The following CNTNAP5 variants were observed in gnomAD, a reference collection of about 807,000 sequenced individuals.
The protein encoded by CNTNAP5 is contactin associated protein family member 5, also known as contactin-associated protein-like 5.
In CNTNAP5, 72 loss-of-function variants were observed where a neutral mutation model predicts 150.2. The ratio of observed to expected loss-of-function variants is 0.48; its 90% CI spans 0.40 to 0.58. CNTNAP5 has a LOEUF of 0.58. Ranked by LOEUF, CNTNAP5 falls within the 20% of genes least tolerant of loss-of-function variation. The probability of loss-of-function intolerance (pLI) is 0.00; values close to 1 mark genes in which losing one functional copy is unlikely to be tolerated. For synonymous variants in CNTNAP5, 672 were observed against 619.8 expected, an observed-to-expected ratio of 1.08 and a Z score of -1.25; for missense variants, 1,636 against 1,626.2, an observed-to-expected ratio of 1.01 and a Z score of -0.10.
chr2:124,221,827 A>G lies in CNTNAP5; in HGVS notation c.187+18A>G. 1 of 1,496,698 alleles carries G rather than the reference A, an allele frequency of 6.7e-7. No homozygotes were observed. Among genetic ancestry groups the G allele is most frequent in the Non-Finnish European group, 9.2e-7 (1 of 1,081,698 alleles). 92.7% of individuals were successfully genotyped at this position (1,496,698 alleles called of 1,614,324 possible). ...GAGAGTTGGTAAGTAGGCTGACTGA[A>G]ATCCTAATGCCAAGCACTAAATAAT... On this transcript the variant is annotated intron_variant, in intron 2 of 23. Transcript: ENST00000682447.
At chr2:124,539,012 G>A (rs1014259176) in intron 10 of CNTNAP5, among the ~76,000 whole-genome samples, 15 of 152,290 alleles carry the variant, frequency 9.8e-5, no homozygotes, top group Non-Finnish European at 2.1e-4. Context: ...TGGGGCCCTT[G>A]AGGCGAAGCA....
chr2:124,211,511 A>AAC (rs1247671805), intron 1 of CNTNAP5, among the ~76,000 whole-genome samples: 1 of 136,962 alleles, frequency 7.3e-6, no homozygotes, highest in Non-Finnish European at 1.6e-5. Context: ...TACAGTCTCC[A>AAC]ACACACACAC....
intron 1 of CNTNAP5, among the ~76,000 whole-genome samples, chr2:124,072,383 C>T (rs573548676): frequency 1.4e-4 from 21 of 151,860 alleles, no homozygotes; most frequent in African/African-American, 5.1e-4. Flanking sequence ...CTAGCTAGAA[C>T]AATCAAACAA....
chr2:124,311,274 T>C (rs955394981), intron 3 of CNTNAP5, among the ~76,000 whole-genome samples: 1 of 152,162 alleles, frequency 6.6e-6, no homozygotes, highest in Admixed American at 6.5e-5. Context: ...ATTCTTACAA[T>C]TCTGGAAGCT....
intron 3 of CNTNAP5, among the ~76,000 whole-genome samples, chr2:124,304,407 C>G (rs1688631780): frequency 6.8e-6 from 1 of 147,988 alleles, no homozygotes; most frequent in African/African-American, 2.7e-5. Context: ...TGCAAGAAAA[C>G]AGATGATATA....
At chr2:124,717,784 T>C (rs1362704629) in intron 13 of CNTNAP5, among the ~76,000 whole-genome samples, 1 of 152,200 alleles carries the variant, frequency 6.6e-6, no homozygotes, top group African/African-American at 2.4e-5. Flanking sequence ...TTTTATGGAT[T>C]GCTCTACCTT....
chr2:124,158,119 C>G (rs1684588307), intron 1 of CNTNAP5, among the ~76,000 whole-genome samples: 1 of 152,118 alleles, frequency 6.6e-6, no homozygotes, highest in African/African-American at 2.4e-5. Flanking sequence ...GCCACTGAAC[C>G]TTTCCTTGTT....
intron 1 of CNTNAP5, among the ~76,000 whole-genome samples, chr2:124,124,890 C>A (rs1367248634): frequency 6.6e-6 from 1 of 152,282 alleles, no homozygotes; most frequent in East Asian, 1.9e-4. Context: ...ACCAGGCCTG[C>A]CCTACAAGAG....
intron 7 of CNTNAP5, among the ~76,000 whole-genome samples, chr2:124,503,872 C>T (rs1004248099): frequency 6.6e-6 from 1 of 152,216 alleles, no homozygotes; most frequent in South Asian, 2.1e-4. Flanking sequence ...CTTCGCATAA[C>T]CTTTGCTTGT....
intron 21 of CNTNAP5, among the ~76,000 whole-genome samples, chr2:124,873,176 A>G (rs2104729479): frequency 6.6e-6 from 1 of 152,218 alleles, no homozygotes; most frequent in African/African-American, 2.4e-5. Context: ...AGGAGCAGGC[A>G]TGTCACATGG....
intron 5 of CNTNAP5, among the ~76,000 whole-genome samples, chr2:124,445,430 G>A (rs543909640): frequency 2.2e-4 from 33 of 152,088 alleles, no homozygotes; most frequent in African/African-American, 7.7e-4. Context: ...AAGAAAGGGA[G>A]GTAAGGAGAA....
At chr2:124,100,757 G>A (rs1461741569) in intron 1 of CNTNAP5, among the ~76,000 whole-genome samples, 2 of 151,400 alleles carry the variant, frequency 1.3e-5, no homozygotes. Context: ...CCCAGCTACT[G>A]GGGAGGCTGA....
At chr2:124,795,446 C>T (rs181732260) in intron 18 of CNTNAP5, among the ~76,000 whole-genome samples, 16 of 152,266 alleles carry the variant, frequency 1.1e-4, no homozygotes, top group Admixed American at 3.3e-4. Flanking sequence ...TTGTCTCTGT[C>T]GCTAACACAT....
At position 124,728,970 on chromosome 2, in the gene CNTNAP5, A is replaced by G. The variant is rs534002986; in HGVS notation, c.2078-18259A>G. On this transcript the variant is annotated intron_variant, in intron 13 of 23. Transcript: ENST00000682447. ...CTTAAAGTCTTATAAAGGCCCTCTC[A>G]CTTTGTTGGCTGGTATGCAGAGAGA... is the stretch of plus-strand genomic sequence containing the variant. 3.9e-5 allele frequency among the ~76,000 whole-genome samples: 6 copies of G among 152,158 alleles called. No homozygotes were observed. In the East Asian group the frequency reaches 7.7e-4, roughly 20 times the overall value.
chr2:124,037,669 CAGGAGCTGT>C (rs1681261915), intron 1 of CNTNAP5, among the ~76,000 whole-genome samples: 1 of 151,950 alleles, frequency 6.6e-6, no homozygotes, highest in Non-Finnish European at 1.5e-5. Context: ...TGGTTGTTGC[CAGGAGCTGT>C]AGGTGTGGGG....
intron 12 of CNTNAP5, among the ~76,000 whole-genome samples, chr2:124,646,510 A>G (rs1678204237): frequency 6.6e-6 from 1 of 152,232 alleles, no homozygotes; most frequent in African/African-American, 2.4e-5. Flanking sequence ...AGCTCTCAGA[A>G]TTTATGAAGA....
intron 13 of CNTNAP5, among the ~76,000 whole-genome samples, chr2:124,675,925 C>A (rs915881418): frequency 5.3e-5 from 8 of 151,858 alleles, no homozygotes; most frequent in African/African-American, 1.7e-4. Context: ...CTGTTTATAT[C>A]TAGTAATGTG....
rs535825903 is a variant in CNTNAP5 at position 124,290,474 on chromosome 2, A to G, written c.381+48081A>G. On this transcript the variant is annotated intron_variant, in intron 3 of 23. Coordinates refer to ENST00000682447, the MANE Select transcript of CNTNAP5 (RefSeq NM_001367498.1). Reference sequence around the variant, plus strand: ...ATGCAACATAAATTTTAGAAAAGTCATCTTCAACTGCCAGGCTGGCCGCAG... The same window carrying G: ...ATGCAACATAAATTTTAGAAAAGTCGTCTTCAACTGCCAGGCTGGCCGCAG... Among the ~76,000 whole-genome samples the G allele has an allele frequency of 5.2e-4, 79 of 152,280 alleles. No individual in the cohort carries two copies. In the Middle Eastern group the frequency reaches 0.014, roughly 26 times the overall value.
At chr2:124,751,137 G>A (rs1680718086) in intron 14 of CNTNAP5, among the ~76,000 whole-genome samples, 1 of 151,640 alleles carries the variant, frequency 6.6e-6, no homozygotes, top group South Asian at 2.1e-4. Context: ...TTTAGATTGT[G>A]AAGAGAAGCA....
Sources: gnomAD v4.1 joint callset for allele counts (sites outside exome capture counted in the v4.1 genomes callset) on GRCh38, gnomAD v4.1.1 for gene constraint, MANE v1.5 for transcripts, NCBI Gene and HGNC (gene_info 2026-07-23, HGNC 2026-07-21) for gene names.